The following DARS1 variants were observed in gnomAD, a reference collection of about 807,000 sequenced individuals.
DARS1 encodes the protein aspartyl-tRNA synthetase 1, also known as aspartate--tRNA ligase, cytoplasmic.
A neutral mutation model predicts 68.8 loss-of-function variants in DARS1; 51 were observed. The observed-to-expected ratio is 0.74, with a 90% confidence interval of 0.59 to 0.94. DARS1 has a LOEUF of 0.94. Among genes scored for constraint, DARS1 ranks in the 40% least tolerant of loss-of-function variants. The probability of loss-of-function intolerance (pLI) is 0.00; values close to 1 mark genes in which losing one functional copy is unlikely to be tolerated. For missense variants in DARS1, 607 were observed against 597.3 expected (o/e 1.02, Z -0.17); for synonymous variants, 203 against 190.4 (o/e 1.07, Z -0.55).
intron 4 of DARS1, among the ~76,000 whole-genome samples, chr2:135,957,526 T>A (rs922662015): frequency 1.3e-5 from 2 of 152,042 alleles, no homozygotes; most frequent in East Asian, 1.9e-4. Context: ...CCGACTAATT[T>A]AAAAAAAATT....
intron 7 of DARS1, among the ~76,000 whole-genome samples, chr2:135,927,126 A>G (rs1681236520): frequency 6.6e-6 from 1 of 152,178 alleles, no homozygotes; most frequent in Admixed American, 6.5e-5. Context: ...CTGTTTCCCC[A>G]TTACATATTG....
At position 135,984,173 on chromosome 2, in the gene DARS1, TCTTA is replaced by T. The variant is rs537275534; in HGVS notation, c.67-723_67-720del. Reference sequence around the variant, plus strand: ...AATAGATAAGTGGCCTTTATTTCAATCTTACTTTACCTCTAAAATGATCTAAGAT... The same window carrying T: ...AATAGATAAGTGGCCTTTATTTCAATCTTTACCTCTAAAATGATCTAAGAT... On this transcript the variant is annotated intron_variant, in intron 1 of 15. Transcript: ENST00000264161. Among the ~76,000 whole-genome samples the T allele has an allele frequency of 4.1e-4, 63 of 152,328 alleles. No individual in the cohort carries two copies. The South Asian group carries it at 0.012, about 29-fold the overall frequency.
rs928450183 is a variant in DARS1 at position 135,956,803 on chromosome 2, G to T, written c.320+4593C>A. On this transcript the variant is annotated intron_variant, in intron 4 of 15. Coordinates refer to ENST00000264161, the MANE Select transcript of DARS1 (RefSeq NM_001349.4). ...TTTTGAGATGGAGTCCTACTCTGTC[G>T]CCCAGTCTGGAATGCAATGGTGTGA... Among the ~76,000 whole-genome samples the T allele has an allele frequency of 5.3e-5, 8 of 152,052 alleles. No individual in the cohort carries two copies. The South Asian group carries it at 1.7e-3, about 32-fold the overall frequency.
intron 15 of DARS1, among the ~76,000 whole-genome samples, chr2:135,910,102 T>C (rs1374612212): frequency 6.6e-6 from 1 of 152,196 alleles, no homozygotes; most frequent in East Asian, 1.9e-4. Flanking sequence ...ATCTTGGCTA[T>C]TGTAAATAAT....
chr2:135,917,416 G>T (rs965985719), intron 10 of DARS1, among the ~76,000 whole-genome samples: 6 of 152,064 alleles, frequency 3.9e-5, no homozygotes, highest in African/African-American at 1.4e-4. Flanking sequence ...TCTATATACA[G>T]AAAAAAGTAT....
chr2:135,961,555 A>G (rs1182196013), intron 3 of DARS1, 57 bp from the exon 4 acceptor site: 3 of 911,826 alleles, frequency 3.3e-6, no homozygotes, highest in South Asian at 1.3e-5. Flanking sequence ...CAGGTTTTAC[A>G]AAGAAGGAAA....
intron 5 of DARS1, among the ~76,000 whole-genome samples, chr2:135,939,150 C>CA (rs1173312265): frequency 6.6e-6 from 1 of 152,184 alleles, no homozygotes; most frequent in Non-Finnish European, 1.5e-5. Context: ...AGCTCTGCAC[C>CA]AAGCGGACCT....
chr2:135,908,062 G>A lies in DARS1; in HGVS notation c.1415-655C>T, dbSNP rs144597289. 4.1e-3 allele frequency among the ~76,000 whole-genome samples: 630 copies of A among 152,022 alleles called. 1 individual carries two copies. Among genetic ancestry groups the A allele is most frequent in the Middle Eastern group, 0.017 (5 of 294 alleles). ...ACATTAAAGTATTTCTTCTCCATCC[G>A]GACTCATATTAAAAAAATGATACAT... On this transcript the variant is annotated intron_variant, in intron 15 of 15. Transcript: ENST00000264161.
At chr2:135,964,559 G>A (rs1039888535) in intron 3 of DARS1, among the ~76,000 whole-genome samples, 2 of 152,096 alleles carry the variant, frequency 1.3e-5, no homozygotes, top group Admixed American at 6.5e-5. Context: ...GTGAAGTGAA[G>A]GCCAGTCATG....
chr2:135,911,331 A>G, intron 14 of DARS1, 51 bp downstream of exon 14: 1 of 856,514 alleles, frequency 1.2e-6, no homozygotes, highest in East Asian at 2.4e-5. Context: ...AATGTTTACA[A>G]TGTATTATTT....
intron 4 of DARS1, among the ~76,000 whole-genome samples, chr2:135,959,051 TA>T (rs1461739356): frequency 6.6e-6 from 1 of 151,862 alleles, no homozygotes; most frequent in Non-Finnish European, 1.5e-5. Flanking sequence ...CTTCAGGAAT[TA>T]AAAAATCTAG....
At chr2:135,932,649 A>G (rs1681376452) in intron 7 of DARS1, 134 bp downstream of exon 7, 1 of 548,588 alleles carries the variant, frequency 1.8e-6, no homozygotes, top group Non-Finnish European at 3.2e-6. Context: ...TCAGAAAAGG[A>G]AATTGTTTCC....
At chr2:135,954,615 T>C (rs1407183830) in intron 4 of DARS1, among the ~76,000 whole-genome samples, 1 of 152,130 alleles carries the variant, frequency 6.6e-6, no homozygotes, top group African/African-American at 2.4e-5. Flanking sequence ...CAAATAAGCA[T>C]AAAAATCCAT....
At chr2:135,937,997 T>C (rs952311888) in intron 5 of DARS1, among the ~76,000 whole-genome samples, 1 of 152,206 alleles carries the variant, frequency 6.6e-6, no homozygotes, top group African/African-American at 2.4e-5. Context: ...AGTATCTTTG[T>C]GGCGTTCTCT....
chr2:135,922,885 A>G lies in DARS1; in HGVS notation c.710T>C (p.Val237Ala). 6.4e-7 allele frequency: 1 copy of G among 1,568,638 alleles called. No individual in the cohort carries two copies. ...GTATGCATTATTTTTAAAATATGAC[A>G]CAGTAAAAACATTGGCTCCTCCTTC... Reference protein sequence around the residue: ...ASEGGANVFTVSYFKNNAYLA... With the variant: ...ASEGGANVFTASYFKNNAYLA... The change falls in exon 9 of 16, where the codon GTG becomes GCG. Residue 237 changes from valine (V) to alanine (A), a missense_variant. By Grantham distance (64) the Val-to-Ala change is moderately conservative. Coordinates refer to ENST00000264161, the MANE Select transcript of DARS1 (RefSeq NM_001349.4).
intron 8 of DARS1, 53 bp from the exon 9 acceptor site, chr2:135,922,971 A>C: frequency 1.5e-6 from 2 of 1,359,352 alleles, no homozygotes; most frequent in Non-Finnish European, 9.5e-7. Flanking sequence ...TAAACTTATC[A>C]ATGCAAACCT....
chr2:135,967,819 T>C (rs953741784), intron 3 of DARS1, among the ~76,000 whole-genome samples: 1 of 152,218 alleles, frequency 6.6e-6, no homozygotes, highest in Non-Finnish European at 1.5e-5. Flanking sequence ...AGCCCAGCTT[T>C]AATATATTAC....
At chr2:135,982,978 G>C (rs1282074090) in intron 2 of DARS1, among the ~76,000 whole-genome samples, 5 of 152,108 alleles carry the variant, frequency 3.3e-5, no homozygotes, top group Non-Finnish European at 5.9e-5. Context: ...ATAAATAATA[G>C]CTAAAAACAG....
chr2:135,939,049 C>A (rs1036104610), intron 5 of DARS1, among the ~76,000 whole-genome samples: 1 of 152,140 alleles, frequency 6.6e-6, no homozygotes, highest in African/African-American at 2.4e-5. Context: ...GACTTCCTCA[C>A]AATAATAATG....
Sources: allele counts gnomAD v4.1 joint callset (sites outside exome capture counted in the v4.1 genomes callset), GRCh38; gene constraint gnomAD v4.1.1; transcripts MANE v1.5; gene names NCBI Gene and HGNC (gene_info 2026-07-23, HGNC 2026-07-21).